PDE4B: variants seen among roughly 807,000 people sequenced by gnomAD.
The protein encoded by PDE4B is 3',5'-cyclic-AMP phosphodiesterase 4B.
PDE4B carries 20 observed loss-of-function variants against 82.2 expected under a neutral mutation model. That is an observed-to-expected ratio of 0.24 (90% CI 0.17 to 0.35). The LOEUF is 0.35. Among genes scored for constraint, PDE4B ranks in the 10% least tolerant of loss-of-function variants. PDE4B has a pLI of 1.00. For missense variants in PDE4B, 655 were observed against 907.2 expected (o/e 0.72, Z 3.57); for synonymous variants, 320 against 318.9 (o/e 1.00, Z -0.04).
At chr1:65,971,029 A>G (rs1264192068) in intron 3 of PDE4B, among the ~76,000 whole-genome samples, 1 of 150,530 alleles carries the variant, frequency 6.6e-6, no homozygotes, top group African/African-American at 2.4e-5. Flanking sequence ...AAGGGATTGG[A>G]ATTTATCTAG....
rs370581285 is a variant in PDE4B, at chr1:65,902,597, T to C, written c.-70-10648T>C. On this transcript the variant is annotated intron_variant, in intron 1 of 16. Coordinates refer to ENST00000341517, the MANE Select transcript of PDE4B (RefSeq NM_002600.4). Reference sequence around the variant, plus strand: ...TCTGTCATATAACTGATTGTATCAGTTGTGCATTACGATTGTGATGATACT... The same window carrying C: ...TCTGTCATATAACTGATTGTATCAGCTGTGCATTACGATTGTGATGATACT... Among the ~76,000 whole-genome samples, 4 of 152,236 alleles carry C rather than the reference T, an allele frequency of 2.6e-5. 1 individual carries two copies. The East Asian group carries it at 5.8e-4, about 22-fold the overall frequency.
chr1:65,975,775 A>G (rs1210205522), intron 3 of PDE4B, among the ~76,000 whole-genome samples: 1 of 152,238 alleles, frequency 6.6e-6, no homozygotes, highest in Non-Finnish European at 1.5e-5. Flanking sequence ...GTAAGCCCCA[A>G]GCCTTGGTGG....
At chr1:66,286,575 G>A (rs1199183780) in intron 7 of PDE4B, among the ~76,000 whole-genome samples, 1 of 152,114 alleles carries the variant, frequency 6.6e-6, no homozygotes, top group East Asian at 1.9e-4. Context: ...GTATACATTT[G>A]GGTTGGTTTT....
chr1:65,948,756 C>T (rs1388786501), intron 3 of PDE4B, among the ~76,000 whole-genome samples: 3 of 151,990 alleles, frequency 2.0e-5, no homozygotes, highest in South Asian at 4.1e-4. Context: ...TCTGTATTCA[C>T]GTGTTTGGAA....
At chr1:66,060,253 G>A (rs1655513990) in intron 3 of PDE4B, among the ~76,000 whole-genome samples, 1 of 152,120 alleles carries the variant, frequency 6.6e-6, no homozygotes, top group Non-Finnish European at 1.5e-5. Flanking sequence ...AAATGTTCTT[G>A]ACTATTACTA....
intron 3 of PDE4B, among the ~76,000 whole-genome samples, chr1:66,212,283 G>T (rs759243509): frequency 6.6e-6 from 1 of 152,136 alleles, no homozygotes; most frequent in Non-Finnish European, 1.5e-5. Flanking sequence ...GGCCCAATGG[G>T]CCTGACCCTC....
intron 1 of PDE4B, among the ~76,000 whole-genome samples, chr1:65,865,359 T>G (rs2801577): frequency 0.71 from 107,188 of 151,630 alleles, 38,177 homozygotes; most frequent in African/African-American, 0.75. Context: ...TGGCTCCCTG[T>G]CTTCAGCCCC....
At chr1:65,837,417 C>T (rs561999890) in intron 1 of PDE4B, among the ~76,000 whole-genome samples, 1 of 151,912 alleles carries the variant, frequency 6.6e-6, no homozygotes. Flanking sequence ...ACTAAAGAGA[C>T]AGGGGCAAAA....
intron 3 of PDE4B, among the ~76,000 whole-genome samples, chr1:66,197,599 C>T: frequency 6.6e-6 from 1 of 152,090 alleles, no homozygotes; most frequent in East Asian, 1.9e-4. Context: ...TGCTGTTTTC[C>T]TGTGTGCTGA....
chr1:65,828,785 C>T (rs1646048034), intron 1 of PDE4B, among the ~76,000 whole-genome samples: 1 of 151,590 alleles, frequency 6.6e-6, no homozygotes, highest in South Asian at 2.1e-4. Context: ...AGGAAAATCA[C>T]TTAAAAAGTT....
chr1:66,232,272 A>G (rs2101634687), intron 3 of PDE4B, among the ~76,000 whole-genome samples: 1 of 152,366 alleles, frequency 6.6e-6, no homozygotes, highest in Middle Eastern at 3.4e-3. Context: ...AAAGCAGTGC[A>G]GAGACAGTGC....
intron 3 of PDE4B, among the ~76,000 whole-genome samples, chr1:66,107,937 G>T (rs1158997838): frequency 6.6e-6 from 1 of 151,388 alleles, no homozygotes; most frequent in Non-Finnish European, 1.5e-5. Context: ...TATTTAATTT[G>T]GATTTTTAAA....
chr1:66,143,833 A>G (rs902518543), intron 3 of PDE4B, among the ~76,000 whole-genome samples: 1 of 152,198 alleles, frequency 6.6e-6, no homozygotes, highest in African/African-American at 2.4e-5. Context: ...CTCGATTTGT[A>G]GGAATGGGCA....
At chr1:66,109,331 T>C (rs1645434731) in intron 3 of PDE4B, among the ~76,000 whole-genome samples, 1 of 151,936 alleles carries the variant, frequency 6.6e-6, no homozygotes, top group African/African-American at 2.4e-5. Flanking sequence ...ATATTAATAT[T>C]GTCAAGAATT....
intron 7 of PDE4B, among the ~76,000 whole-genome samples, chr1:66,307,525 G>A (rs1008422219): frequency 4.6e-5 from 7 of 152,090 alleles, no homozygotes; most frequent in Non-Finnish European, 1.0e-4. Context: ...GTAGAAAGTT[G>A]TGTTCTTGGT....
At chr1:65,927,914 C>T (rs905460319) in intron 3 of PDE4B, among the ~76,000 whole-genome samples, 12 of 152,158 alleles carry the variant, frequency 7.9e-5, no homozygotes, top group Non-Finnish European at 1.6e-4. Context: ...CGGGAACCCA[C>T]TGGATCCACT....
chr1:65,886,218 A>G (rs1646774656), intron 1 of PDE4B, among the ~76,000 whole-genome samples: 1 of 152,120 alleles, frequency 6.6e-6, no homozygotes, highest in Admixed American at 6.6e-5. Context: ...AAAATATTAT[A>G]CAAACTATTA....
At chr1:65,847,853 G>C (rs1646284442) in intron 1 of PDE4B, among the ~76,000 whole-genome samples, 1 of 152,052 alleles carries the variant, frequency 6.6e-6, no homozygotes, top group Non-Finnish European at 1.5e-5. Context: ...GCAAGCTCAG[G>C]AAGATGACTT....
rs144456181 is a variant in PDE4B, at chr1:66,094,360, A to C, written c.282-153100A>C. On this transcript the variant is annotated intron_variant, in intron 3 of 16. Coordinates refer to ENST00000341517, the MANE Select transcript of PDE4B (RefSeq NM_002600.4). ...TATAACAGAAGAGACTCAAAGATCT[A>C]CCATTTAGTCAAGGAGCTATGCAGC... 2.4e-4 allele frequency: 37 copies of C among 152,204 alleles called. 1 individual carries two copies. In the East Asian group the frequency reaches 3.1e-3, roughly 13 times the overall value. 9.4% of individuals were successfully genotyped at this position (152,204 alleles called of 1,614,324 possible).
Sources: gnomAD v4.1 joint callset for allele counts (sites outside exome capture counted in the v4.1 genomes callset) on GRCh38, gnomAD v4.1.1 for gene constraint, MANE v1.5 for transcripts, NCBI Gene and HGNC (gene_info 2026-07-23, HGNC 2026-07-21) for gene names.